The following MYO1E variants were observed in gnomAD, a reference collection of about 807,000 sequenced individuals.
MYO1E encodes the protein myosin IE.
A neutral mutation model predicts 151.1 loss-of-function variants in MYO1E; 68 were observed. The observed-to-expected ratio is 0.45, with a 90% CI of 0.37 to 0.55. The LOEUF is 0.55. Ranked by LOEUF, MYO1E falls within the 20% of genes least tolerant of loss-of-function variation. The pLI is 0.00. For synonymous variants in MYO1E, 601 were observed against 501.7 expected (o/e 1.20, Z -2.64); for missense variants, 1,363 against 1,389.3 (o/e 0.98, Z 0.30).
intron 1 of MYO1E, among the ~76,000 whole-genome samples, chr15:59,297,633 G>A (rs2080458549): frequency 6.6e-6 from 1 of 151,604 alleles, no homozygotes; most frequent in East Asian, 1.9e-4. Flanking sequence ...CTGGGCTGGA[G>A]TACAGTGGTG....
intron 7 of MYO1E, among the ~76,000 whole-genome samples, chr15:59,225,759 G>A (rs1281576099): frequency 1.3e-5 from 2 of 150,398 alleles, no homozygotes; most frequent in East Asian, 3.9e-4. Context: ...CCATTCTCCT[G>A]CCTCAGCCTC....
intron 10 of MYO1E, among the ~76,000 whole-genome samples, chr15:59,217,449 GAA>G (rs1486798804): frequency 1.4e-5 from 2 of 142,204 alleles, no homozygotes; most frequent in East Asian, 4.6e-4. Context: ...CAGAGTGAGA[GAA>G]AGTGAAGTAA....
intron 1 of MYO1E, among the ~76,000 whole-genome samples, chr15:59,291,264 C>T (rs189696458): frequency 6.6e-6 from 1 of 152,304 alleles, no homozygotes; most frequent in Non-Finnish European, 1.5e-5. Context: ...ATATTCTTTG[C>T]TGGTCTGTGA....
intron 1 of MYO1E, among the ~76,000 whole-genome samples, 161 bp downstream of exon 1, chr15:59,372,337 T>G (rs1596448139): frequency 2.0e-5 from 3 of 152,170 alleles, no homozygotes; most frequent in East Asian, 1.9e-4. Flanking sequence ...GGCCCGGGTT[T>G]ACGGAAAGCG....
intron 1 of MYO1E, among the ~76,000 whole-genome samples, chr15:59,361,629 G>A (rs1158822474): frequency 6.6e-6 from 1 of 152,148 alleles, no homozygotes; most frequent in South Asian, 2.1e-4. Flanking sequence ...GAGAAAAGAT[G>A]TTAAAACTAC....
At chr15:59,232,924 T>C (rs992820726) in intron 5 of MYO1E, among the ~76,000 whole-genome samples, 1 of 152,122 alleles carries the variant, frequency 6.6e-6, no homozygotes, top group South Asian at 2.1e-4. Context: ...GCTTTCATTG[T>C]GACGAGGGAA....
chr15:59,363,889 C>T (rs2080898914), intron 1 of MYO1E, among the ~76,000 whole-genome samples: 1 of 152,178 alleles, frequency 6.6e-6, no homozygotes, highest in Admixed American at 6.5e-5. Context: ...ATTCTCCTGC[C>T]TCAGCCTCCC....
chr15:59,290,338 A>G (rs1360413635), intron 1 of MYO1E, among the ~76,000 whole-genome samples: 1 of 152,240 alleles, frequency 6.6e-6, no homozygotes, highest in Admixed American at 6.5e-5. Flanking sequence ...GGTAAACTGG[A>G]TGAAGTGTTA....
At chr15:59,142,961 A>G (rs2079419832) in intron 26 of MYO1E, among the ~76,000 whole-genome samples, 1 of 151,524 alleles carries the variant, frequency 6.6e-6, no homozygotes, top group African/African-American at 2.4e-5. Context: ...GATTGTTTTA[A>G]ACTAGAGATC....
chr15:59,229,044 A>C (rs559047455), intron 6 of MYO1E, among the ~76,000 whole-genome samples: 2 of 152,328 alleles, frequency 1.3e-5, no homozygotes, highest in East Asian at 3.9e-4. Flanking sequence ...AAGCTCACTG[A>C]AAGAGAGCTC....
intron 5 of MYO1E, among the ~76,000 whole-genome samples, chr15:59,234,405 T>C (rs1423940650): frequency 6.6e-6 from 1 of 152,096 alleles, no homozygotes; most frequent in African/African-American, 2.4e-5. Context: ...CGTTAAATGG[T>C]ATAGGCACGT....
chr15:59,322,553 T>C (rs760164163), intron 1 of MYO1E, among the ~76,000 whole-genome samples: 5 of 152,210 alleles, frequency 3.3e-5, no homozygotes, highest in Non-Finnish European at 5.9e-5. Context: ...GTTTTTCAAG[T>C]TCAAAGTGCT....
At chr15:59,230,274 A>T (rs1188090553) in intron 6 of MYO1E, among the ~76,000 whole-genome samples, 1 of 144,602 alleles carries the variant, frequency 6.9e-6, no homozygotes, top group African/African-American at 2.5e-5. Context: ...GTGTGTCTGA[A>T]TTGTCTCTTC....
intron 2 of MYO1E, 35 bp from the exon 3 acceptor site, chr15:59,261,544 T>G: frequency 7.6e-7 from 1 of 1,322,640 alleles, no homozygotes; most frequent in African/African-American, 1.4e-5. Flanking sequence ...ATCATTAATA[T>G]TCATAGCTAC....
chr15:59,274,543 C>T (rs1363403533), intron 1 of MYO1E, among the ~76,000 whole-genome samples: 2 of 152,098 alleles, frequency 1.3e-5, no homozygotes, highest in Admixed American at 6.6e-5. Context: ...TGGTTTTTAA[C>T]CCCCATAGAC....
intron 1 of MYO1E, among the ~76,000 whole-genome samples, chr15:59,342,449 T>G (rs557398790): frequency 6.6e-5 from 10 of 152,344 alleles, no homozygotes; most frequent in African/African-American, 2.2e-4. Context: ...CAATGTTTTC[T>G]TTTAGTAGTT....
intron 8 of MYO1E, 129 bp downstream of exon 8, chr15:59,224,560 G>T: frequency 7.9e-7 from 1 of 1,259,158 alleles, no homozygotes; most frequent in Non-Finnish European, 1.1e-6. Context: ...TGAGCATACA[G>T]AGTGCTCACA....
chr15:59,317,198 T>C (rs2080594613), intron 1 of MYO1E, among the ~76,000 whole-genome samples: 1 of 152,212 alleles, frequency 6.6e-6, no homozygotes, highest in South Asian at 2.1e-4. Context: ...CAGATAGAGA[T>C]GAACAAGGCA....
chr15:59,141,390 T>C (rs2079408124), intron 26 of MYO1E, among the ~76,000 whole-genome samples: 1 of 152,242 alleles, frequency 6.6e-6, no homozygotes, highest in African/African-American at 2.4e-5. Flanking sequence ...CATCCTCCTG[T>C]ATACGTTAAA....
Sources: allele counts gnomAD v4.1 joint callset (sites outside exome capture counted in the v4.1 genomes callset), GRCh38; gene constraint gnomAD v4.1.1; transcripts MANE v1.5; gene names NCBI Gene and HGNC (gene_info 2026-07-23, HGNC 2026-07-21).